NOP58: variants seen among roughly 807,000 people sequenced by gnomAD.
NOP58 encodes the protein NOP58 ribonucleoprotein.
A neutral mutation model predicts 71.2 loss-of-function variants in NOP58; 44 were observed. The observed-to-expected ratio is 0.62, with a 90% CI of 0.49 to 0.79. The LOEUF (loss-of-function observed/expected upper bound fraction) is 0.79, where lower values mean the gene tolerates loss of function less well. Among genes scored for constraint, NOP58 ranks in the 30% least tolerant of loss-of-function variants. The probability of loss-of-function intolerance (pLI) is 0.00; values close to 1 mark genes in which losing one functional copy is unlikely to be tolerated. For synonymous variants in NOP58, 228 were observed against 200.3 expected, an observed-to-expected ratio of 1.14 and a Z score of -1.17; for missense variants, 538 against 620.2, an observed-to-expected ratio of 0.87 and a Z score of 1.41.
At chr2:202,272,485 G>C (rs944461583) in intron 1 of NOP58, among the ~76,000 whole-genome samples, 47 of 152,158 alleles carry the variant, frequency 3.1e-4, no homozygotes, top group Admixed American at 8.5e-4. Context: ...GGTTGAATTA[G>C]ATATGTTGGT....
In NOP58 at chr2:202,287,640, A is replaced by ATT. The variant is rs1688815301; in HGVS notation, c.435-17_435-16dup. ...TTCCTAGATGCTATCTTGCTAATTT[A>ATT]TTTTCCCCTTTCTTCCCAGCCTGTC... On this transcript the variant is annotated intron_variant, in intron 5 of 14. Coordinates refer to ENST00000264279, the MANE Select transcript of NOP58 (RefSeq NM_015934.5). 6.3e-7 allele frequency: 1 copy of ATT among 1,594,968 alleles called. No homozygotes were observed. The highest frequency in any genetic ancestry group is 1.3e-5 in the African/African-American group (1 of 74,572).
intron 9 of NOP58, 74 bp downstream of exon 9, chr2:202,292,977 A>G: frequency 6.5e-7 from 1 of 1,533,916 alleles, no homozygotes; most frequent in Non-Finnish European, 9.0e-7. Context: ...TTACATCTTT[A>G]AACTACAGCT....
intron 1 of NOP58, among the ~76,000 whole-genome samples, chr2:202,270,116 A>G (rs13392645): frequency 0.24 from 36,303 of 152,128 alleles, 6,686 homozygotes; most frequent in African/African-American, 0.51. Context: ...TAACTCACCT[A>G]TAGGTTTTAG....
intron 1 of NOP58, among the ~76,000 whole-genome samples, chr2:202,271,669 G>A (rs961863661): frequency 1.3e-5 from 2 of 152,056 alleles, no homozygotes; most frequent in East Asian, 1.9e-4. Flanking sequence ...TGGATCAGGC[G>A]CCATGGTTCC....
At chr2:202,288,793 C>G (rs547145190) in intron 6 of NOP58, among the ~76,000 whole-genome samples, 1 of 150,816 alleles carries the variant, frequency 6.6e-6, no homozygotes, top group South Asian at 2.1e-4. Context: ...CTAGCTTGGA[C>G]AACATGAGCA....
chr2:202,297,963 CAG>C (rs1689022080), intron 12 of NOP58, 57 bp downstream of exon 12: 6 of 1,085,550 alleles, frequency 5.5e-6, no homozygotes. Flanking sequence ...TAATTATTGA[CAG>C]TAATTTTTTA....
At chr2:202,298,564 C>T (rs879594392) in intron 12 of NOP58, among the ~76,000 whole-genome samples, 6 of 152,076 alleles carry the variant, frequency 3.9e-5, no homozygotes, top group Admixed American at 2.6e-4. Flanking sequence ...ACCCGGGAGG[C>T]GGAGGGTGCA....
Position 202,265,961 on chromosome 2 carries a change from C to A in NOP58, c.20C>A (p.Thr7Lys). 6.2e-7 allele frequency: 1 copy of A among 1,614,176 alleles called. No individual in the cohort carries two copies. The change falls in exon 1 of 15, where the codon ACG becomes AAG. Residue 7 changes from threonine (T) to lysine (K), a missense_variant. Thr to Lys is a moderately conservative substitution (Grantham distance 78). Coordinates refer to ENST00000264279, the MANE Select transcript of NOP58 (RefSeq NM_015934.5). MLVLFE[T>K]SVGYAIFKVL... Reference sequence around the variant, plus strand: ...CTCACCATGTTGGTGCTGTTTGAAACGTCTGTGGGTTACGCCATCTTTAAG... The same window carrying A: ...CTCACCATGTTGGTGCTGTTTGAAAAGTCTGTGGGTTACGCCATCTTTAAG...
At chr2:202,288,988 C>T (rs529729202) in intron 6 of NOP58, among the ~76,000 whole-genome samples, 37 of 151,704 alleles carry the variant, frequency 2.4e-4, no homozygotes, top group Non-Finnish European at 4.4e-4. Context: ...GTCGAGGTGG[C>T]GTGTGCCTAT....
At chr2:202,284,541 T>C (rs1688759778) in intron 5 of NOP58, 60 bp downstream of exon 5, 1 of 1,554,076 alleles carries the variant, frequency 6.4e-7, no homozygotes, top group Non-Finnish European at 8.8e-7. Context: ...TTAACATAGA[T>C]CTGTTCTAAG....
intron 5 of NOP58, among the ~76,000 whole-genome samples, chr2:202,285,019 C>G (rs542730020): frequency 1.3e-5 from 2 of 152,038 alleles, no homozygotes; most frequent in African/African-American, 4.8e-5. Context: ...ATGTCTCTCT[C>G]TGTGTTTTTT....
chr2:202,274,724 T>C (rs1391793344), intron 1 of NOP58, among the ~76,000 whole-genome samples: 1 of 151,980 alleles, frequency 6.6e-6, no homozygotes, highest in African/African-American at 2.4e-5. Context: ...ATTGCTCCAC[T>C]GCACTCCAGG....
chr2:202,279,410 G>T (rs1007703219), intron 3 of NOP58, among the ~76,000 whole-genome samples: 17 of 152,176 alleles, frequency 1.1e-4, no homozygotes, highest in Non-Finnish European at 2.2e-4. Context: ...CTGTGAGGCA[G>T]ATAACCATCA....
intron 8 of NOP58, 190 bp downstream of exon 8, chr2:202,291,460 G>A: frequency 2.4e-6 from 1 of 410,982 alleles, no homozygotes; most frequent in South Asian, 6.7e-5. Context: ...CATATTAAAA[G>A]GAAGTAATTT....
At chr2:202,286,040 G>GTGT (rs1367457292) in intron 5 of NOP58, among the ~76,000 whole-genome samples, 1 of 151,738 alleles carries the variant, frequency 6.6e-6, no homozygotes, top group African/African-American at 2.4e-5. Flanking sequence ...AAATTAGCCG[G>GTGT]GCACAGTGGC....
chr2:202,285,241 C>T (rs1228744521), intron 5 of NOP58, among the ~76,000 whole-genome samples: 1 of 151,814 alleles, frequency 6.6e-6, no homozygotes, highest in Non-Finnish European at 1.5e-5. Context: ...GGGCTTTCAC[C>T]ATGTTGGCCT....
intron 2 of NOP58, 29 bp from the exon 3 acceptor site, chr2:202,277,921 A>G (rs1226742032): frequency 9.6e-6 from 12 of 1,245,124 alleles, no homozygotes; most frequent in African/African-American, 1.7e-5. Context: ...CCCCAATAAC[A>G]TGTTTATCTC....
chr2:202,267,656 C>T (rs1688440407), intron 1 of NOP58, among the ~76,000 whole-genome samples: 1 of 152,118 alleles, frequency 6.6e-6, no homozygotes, highest in Non-Finnish European at 1.5e-5. Context: ...TGAATTTCAC[C>T]GTTAATTGCC....
At chr2:202,291,005 T>G in intron 7 of NOP58, 120 bp from the exon 8 acceptor site, 3 of 846,374 alleles carry the variant, frequency 3.5e-6, no homozygotes, top group Non-Finnish European at 5.3e-6. Context: ...TTCTTCATTT[T>G]TTTTGTTTTG....
Sources: allele counts gnomAD v4.1 joint callset (sites outside exome capture counted in the v4.1 genomes callset), GRCh38; gene constraint gnomAD v4.1.1; transcripts MANE v1.5; gene names NCBI Gene and HGNC (gene_info 2026-07-23, HGNC 2026-07-21).